MEF2A: variants seen among roughly 807,000 people sequenced by gnomAD.
MEF2A encodes the protein myocyte-specific enhancer factor 2A.
In MEF2A, 28 loss-of-function variants were observed where a neutral mutation model predicts 55.8. The observed-to-expected ratio is 0.50, with a 90% confidence interval of 0.37 to 0.69. MEF2A has a LOEUF of 0.69. Among genes scored for constraint, MEF2A ranks in the 30% least tolerant of loss-of-function variants. The probability of loss-of-function intolerance (pLI) is 0.00; values close to 1 mark genes in which losing one functional copy is unlikely to be tolerated. For synonymous variants in MEF2A, 239 were observed against 227.1 expected (o/e 1.05, Z -0.47); for missense variants, 528 against 626.2 (o/e 0.84, Z 1.67).
In MEF2A at chr15:99,666,626, GA is replaced by G. The variant is rs573781363; in HGVS notation, c.259-4689del. Among the ~76,000 whole-genome samples the G allele has an allele frequency of 1.7e-3, 223 of 129,282 alleles. 1 individual carries two copies. Among genetic ancestry groups the G allele is most frequent in the African/African-American group, 4.9e-3 (192 of 39,108 alleles). 84.8% of individuals were successfully genotyped at this position (129,282 alleles called of 152,430 possible). On this transcript the variant is annotated intron_variant, in intron 4 of 11. Coordinates refer to ENST00000557942, the MANE Select transcript of MEF2A (RefSeq NM_001319206.4). Reference sequence around the variant, plus strand: ...TAATAATAATAAAAAGATCAGCAAAGAAAAAAAAGGAAGGCTTTTAAAGTTC... The same window carrying G: ...TAATAATAATAAAAAGATCAGCAAAGAAAAAAAGGAAGGCTTTTAAAGTTC...
At chr15:99,634,891 T>C (rs531264431) in intron 3 of MEF2A, among the ~76,000 whole-genome samples, 19 of 152,334 alleles carry the variant, frequency 1.2e-4, no homozygotes, top group African/African-American at 4.6e-4. Flanking sequence ...AAAGAAATAA[T>C]TGGACAGTTT....
chr15:99,690,054 A>G (rs575127627), intron 7 of MEF2A, among the ~76,000 whole-genome samples, 187 bp from the exon 8 acceptor site: 5 of 152,320 alleles, frequency 3.3e-5, no homozygotes, highest in South Asian at 2.1e-4. Context: ...TCAGCCAATA[A>G]GTATACAAGT....
intron 2 of MEF2A, among the ~76,000 whole-genome samples, chr15:99,600,702 A>G (rs899058170): frequency 3.3e-5 from 5 of 152,290 alleles, no homozygotes; most frequent in Admixed American, 1.3e-4. Flanking sequence ...ATTGTTGAAC[A>G]TTAATTGGCC....
At chr15:99,705,102 G>T (rs2057872997) in intron 9 of MEF2A, among the ~76,000 whole-genome samples, 1 of 152,200 alleles carries the variant, frequency 6.6e-6, no homozygotes. Context: ...CTTGCCTTGA[G>T]CTCTAAAGTA....
At chr15:99,618,630 C>T (rs963844645) in intron 2 of MEF2A, among the ~76,000 whole-genome samples, 2 of 152,086 alleles carry the variant, frequency 1.3e-5, no homozygotes, top group African/African-American at 4.8e-5. Flanking sequence ...TACCCACAAG[C>T]GGTTCAGAAT....
At chr15:99,642,706 CA>C (rs1162910332) in intron 3 of MEF2A, among the ~76,000 whole-genome samples, 2 of 152,158 alleles carry the variant, frequency 1.3e-5, no homozygotes, top group African/African-American at 4.8e-5. Flanking sequence ...ACATTTAGAA[CA>C]AGATTCTTCA....
At chr15:99,610,411 G>GCCCC (rs59710476) in intron 2 of MEF2A, among the ~76,000 whole-genome samples, 3 of 71,562 alleles carry the variant, frequency 4.2e-5, no homozygotes, top group Admixed American at 1.5e-4. Context: ...GGTCTCCCCC[G>GCCCC]CCCCCCCCCC....
chr15:99,668,275 A>G (rs1031823683), intron 4 of MEF2A, among the ~76,000 whole-genome samples: 12 of 152,228 alleles, frequency 7.9e-5, no homozygotes, highest in Admixed American at 5.2e-4. Context: ...GAACATGTAT[A>G]GAACAGGGTG....
chr15:99,666,355 C>T (rs895706271), intron 4 of MEF2A, among the ~76,000 whole-genome samples: 6 of 151,960 alleles, frequency 3.9e-5, no homozygotes, highest in Admixed American at 6.6e-5. Flanking sequence ...AACTAAACAC[C>T]GCATGTTCTC....
chr15:99,684,763 C>T lies in MEF2A; in HGVS notation c.671-5478C>T, dbSNP rs114499991. Among the ~76,000 whole-genome samples, 1,278 of 152,004 alleles carry T rather than the reference C, an allele frequency of 8.4e-3. 18 individuals carry two copies. The highest frequency in any genetic ancestry group is 0.028 in the African/African-American group (1,162 of 41,474). On this transcript the variant is annotated intron_variant, in intron 7 of 11. Transcript: ENST00000557942. ...TGCTTTTGGGTTCTTGATCATGAACCCTTTGTCTAAGCCAATGTCTAGAAG... is the reference window on the plus strand; with the variant it reads ...TGCTTTTGGGTTCTTGATCATGAACTCTTTGTCTAAGCCAATGTCTAGAAG...
chr15:99,635,049 T>G (rs1247417891), intron 3 of MEF2A, among the ~76,000 whole-genome samples: 1 of 152,218 alleles, frequency 6.6e-6, no homozygotes, highest in African/African-American at 2.4e-5. Flanking sequence ...AAAAGAGATG[T>G]CATTTATTTG....
At chr15:99,705,695 T>C (rs148142846) in intron 9 of MEF2A, among the ~76,000 whole-genome samples, 1 of 152,342 alleles carries the variant, frequency 6.6e-6, no homozygotes, top group Non-Finnish European at 1.5e-5. Flanking sequence ...TTGTCTGATG[T>C]ACCCTTTTGA....
intron 7 of MEF2A, among the ~76,000 whole-genome samples, chr15:99,684,821 T>C (rs2053906855): frequency 6.6e-6 from 1 of 152,246 alleles, no homozygotes; most frequent in Admixed American, 6.5e-5. Context: ...TTTTGTGATT[T>C]CAGGTCTTAT....
chr15:99,714,097 T>C lies in MEF2A; in HGVS notation c.*1326T>C, dbSNP rs941980673. On this transcript the variant is annotated 3_prime_UTR_variant, in exon 12 of 12. Transcript: ENST00000557942. ...TTTCTCCCCTCACTGGTGGTGAATG[T>C]GTGATGTTACATTGTAATCTTTGTG... 16 of 152,228 alleles carry C rather than the reference T, an allele frequency of 1.1e-4. No individual in the cohort carries two copies. The highest frequency in any genetic ancestry group is 3.6e-4 in the African/African-American group (15 of 41,464). The allele number at this position is 152,228 out of a possible 1,614,324, so 9.4% of individuals were successfully genotyped here. A position where few individuals can be genotyped will look rare whatever the true frequency, so the allele number is the denominator to read the frequency against.
intron 1 of MEF2A, among the ~76,000 whole-genome samples, chr15:99,581,988 A>G (rs1220454250): frequency 6.6e-6 from 1 of 152,102 alleles, no homozygotes; most frequent in Non-Finnish European, 1.5e-5. Context: ...TTTCAGAAAA[A>G]GAGATGGTAA....
chr15:99,637,788 G>A (rs546423066), intron 3 of MEF2A, among the ~76,000 whole-genome samples: 6 of 152,188 alleles, frequency 3.9e-5, no homozygotes, highest in East Asian at 3.9e-4. Flanking sequence ...GATTACAGGC[G>A]CCTGCCACCA....
Position 99,711,877 on chromosome 15 carries a change from C to G in MEF2A, c.1137-513C>G, listed in dbSNP as rs537587113. ...GTGGAAAGGGCTCAGAGCCCAGGCC[C>G]GGGGAACAGCCTGTTTGCGTCCTCC... On this transcript the variant is annotated intron_variant, in intron 11 of 11. Coordinates refer to ENST00000557942, the MANE Select transcript of MEF2A (RefSeq NM_001319206.4). 2.6e-5 allele frequency among the ~76,000 whole-genome samples: 4 copies of G among 152,338 alleles called. No homozygotes were observed. The South Asian group carries it at 8.3e-4, about 32-fold the overall frequency.
At chr15:99,709,301 T>C (rs1266508186) in intron 10 of MEF2A, among the ~76,000 whole-genome samples, 6 of 152,196 alleles carry the variant, frequency 3.9e-5, no homozygotes, top group Non-Finnish European at 7.3e-5. Context: ...GCTGGGTGCA[T>C]GTTGGTGCCA....
chr15:99,675,473 A>G lies in MEF2A; in HGVS notation c.670+15A>G, dbSNP rs560098597. 3 of 1,609,904 alleles carry G rather than the reference A, an allele frequency of 1.9e-6. No individual in the cohort carries two copies. The highest frequency in any genetic ancestry group is 1.1e-5 in the South Asian group (1 of 90,982). ...CAGTCCAGTGGGTGAGTGAATTCCT[A>G]CTCTTCTGTTTTGTAGGTATCTATC... On this transcript the variant is annotated intron_variant, in intron 7 of 11. Coordinates refer to ENST00000557942, the MANE Select transcript of MEF2A (RefSeq NM_001319206.4).
Sources: allele counts gnomAD v4.1 joint callset (sites outside exome capture counted in the v4.1 genomes callset), GRCh38; gene constraint gnomAD v4.1.1; transcripts MANE v1.5; gene names NCBI Gene and HGNC (gene_info 2026-07-23, HGNC 2026-07-21).